Variants in HOATZ observed in about 807,000 individuals in gnomAD.
HOATZ encodes the protein HOATZ cilia and flagella associated protein.
In HOATZ, 26 loss-of-function variants were observed where a neutral mutation model predicts 24.9. That is an observed-to-expected ratio of 1.04 (90% CI 0.76 to 1.45). The LOEUF (loss-of-function observed/expected upper bound fraction) is 1.45. Among genes scored for constraint, HOATZ ranks in the 40% most tolerant of loss-of-function variants. The probability of loss-of-function intolerance (pLI) is 0.00; values close to 1 mark genes in which losing one functional copy is unlikely to be tolerated. For missense variants in HOATZ, 226 were observed against 201.5 expected, an observed-to-expected ratio of 1.12 and a Z score of -0.74; for synonymous variants, 83 against 76.6, an observed-to-expected ratio of 1.08 and a Z score of -0.43.
intron 3 of HOATZ, among the ~76,000 whole-genome samples, chr11:111,528,049 G>A (rs1354987657): frequency 6.6e-6 from 1 of 152,096 alleles, no homozygotes; most frequent in Non-Finnish European, 1.5e-5. Flanking sequence ...TAGGTATGGT[G>A]GCTCATGCCT....
At chr11:111,517,469 G>T (rs1867218744) in intron 3 of HOATZ, among the ~76,000 whole-genome samples, 2 of 152,122 alleles carry the variant, frequency 1.3e-5, no homozygotes. Flanking sequence ...AGACTGTTAG[G>T]CTAATAATCT....
chr11:111,534,333 T>G, intron 4 of HOATZ, 79 bp from the exon 5 acceptor site: 1 of 1,053,684 alleles, frequency 9.5e-7, no homozygotes, highest in Non-Finnish European at 1.4e-6. Context: ...TTACCTCAGC[T>G]TTTTTTCAAA....
At chr11:111,534,538 C>T (rs2135782977) in intron 5 of HOATZ, 74 bp downstream of exon 5, 2 of 1,181,494 alleles carry the variant, frequency 1.7e-6, no homozygotes, top group East Asian at 2.3e-5. Context: ...TTTTTTCTTA[C>T]TTTGCCACTT....
At chr11:111,519,366 T>A (rs747406543) in intron 3 of HOATZ, among the ~76,000 whole-genome samples, 63 of 152,172 alleles carry the variant, frequency 4.1e-4, no homozygotes, top group Non-Finnish European at 6.3e-4. Context: ...GCCCTATATA[T>A]TGATATTTCA....
At chr11:111,532,971 G>T (rs1314092796) in intron 3 of HOATZ, among the ~76,000 whole-genome samples, 3 of 151,980 alleles carry the variant, frequency 2.0e-5, no homozygotes, top group African/African-American at 7.2e-5. Flanking sequence ...TGAATTCTGT[G>T]AAAAAAATGG....
intron 3 of HOATZ, among the ~76,000 whole-genome samples, chr11:111,528,743 T>C (rs1490406731): frequency 1.3e-5 from 2 of 152,242 alleles, no homozygotes; most frequent in Admixed American, 1.3e-4. Flanking sequence ...ATTTTTCTTC[T>C]TCAGCATGGT....
intron 5 of HOATZ, chr11:111,536,401 A>G (rs1341968826): frequency 5.7e-6 from 1 of 176,138 alleles, no homozygotes; most frequent in African/African-American, 2.4e-5. Flanking sequence ...ATGTGTTCAT[A>G]GTAAGGTTTT....
Position 111,514,883 on chromosome 11 carries a change from TG to T in HOATZ, c.100del (p.Ala34ProfsTer66). ...TATTTGCTGGCTCCTCGGAACAAGA[TG>T]CCAACTTGGCTAAGCAGTTCTGGAT... ...LVFAGSSEQD[A>X]NLAKQFWISA... On this transcript the variant is annotated frameshift_variant, in exon 1 of 6. Coordinates refer to ENST00000375618, the MANE Select transcript of HOATZ (RefSeq NM_001100388.2). LOFTEE classifies it high-confidence loss of function. 6.2e-7 allele frequency: 1 copy of T among 1,614,098 alleles called. No individual in the cohort carries two copies. The highest frequency in any genetic ancestry group is 8.5e-7 in the Non-Finnish European group (1 of 1,179,990).
intron 3 of HOATZ, among the ~76,000 whole-genome samples, chr11:111,519,542 T>C (rs531925846): frequency 6.6e-6 from 1 of 152,294 alleles, no homozygotes; most frequent in Admixed American, 6.5e-5. Flanking sequence ...CTCCCTGTAA[T>C]TATTGAAACA....
intron 3 of HOATZ, among the ~76,000 whole-genome samples, chr11:111,519,825 T>C (rs1867250061): frequency 6.6e-6 from 1 of 152,238 alleles, no homozygotes; most frequent in African/African-American, 2.4e-5. Flanking sequence ...TTCTTCCACT[T>C]TCTCCTTAAA....
In HOATZ at chr11:111,533,542, A is replaced by G. The variant is rs552954677; in HGVS notation, c.340-204A>G. ...TACAATAAAATTTTACAGCATTTTA[A>G]TATTTTACAAAAGCATTTTGTAAAG... On this transcript the variant is annotated intron_variant, in intron 3 of 5. Transcript: ENST00000375618. 4.6e-5 allele frequency among the ~76,000 whole-genome samples: 7 copies of G among 152,166 alleles called. No homozygotes were observed. In the South Asian group the frequency reaches 1.0e-3, roughly 22 times the overall value.
intron 3 of HOATZ, chr11:111,519,150 A>G (rs768284944): frequency 4.1e-5 from 16 of 388,456 alleles, no homozygotes; most frequent in Non-Finnish European, 8.1e-5. Flanking sequence ...AAAAAGAGAA[A>G]TGATTTTTTT....
intron 3 of HOATZ, among the ~76,000 whole-genome samples, chr11:111,528,940 G>A (rs1473641458): frequency 1.3e-5 from 2 of 152,190 alleles, no homozygotes; most frequent in Non-Finnish European, 2.9e-5. Context: ...GGCTCTGCCA[G>A]TTACTAGTTA....
chr11:111,535,978 T>C (rs1867446610), intron 5 of HOATZ: 2 of 152,226 alleles, frequency 1.3e-5, no homozygotes, highest in African/African-American at 2.4e-5. Flanking sequence ...TGTACATTCT[T>C]TGGGCAACTA....
intron 5 of HOATZ, 118 bp from the exon 6 acceptor site, chr11:111,536,652 T>C (rs1389770964): frequency 6.2e-5 from 49 of 788,004 alleles, no homozygotes; most frequent in Non-Finnish European, 9.8e-5. Context: ...ACCCAACACA[T>C]AGAATCTACA....
intron 4 of HOATZ, 21 bp from the exon 5 acceptor site, chr11:111,534,391 T>G: frequency 6.3e-7 from 1 of 1,592,256 alleles, no homozygotes; most frequent in South Asian, 1.1e-5. Flanking sequence ...CCTTTTTGAT[T>G]TTTATTTTGT....
chr11:111,529,201 A>G (rs939335588), intron 3 of HOATZ, among the ~76,000 whole-genome samples: 8 of 152,160 alleles, frequency 5.3e-5, no homozygotes, highest in Admixed American at 2.0e-4. Context: ...GGTTCAAAAT[A>G]AGCATTAGCA....
chr11:111,519,074 C>T (rs1013436109), intron 3 of HOATZ: 22 of 455,504 alleles, frequency 4.8e-5, no homozygotes, highest in Non-Finnish European at 8.8e-5. Flanking sequence ...CTAACTCTGC[C>T]ACTTACTATT....
intron 3 of HOATZ, among the ~76,000 whole-genome samples, chr11:111,525,367 T>C (rs1036781817): frequency 6.6e-6 from 1 of 152,224 alleles, no homozygotes; most frequent in Non-Finnish European, 1.5e-5. Flanking sequence ...ATACTATCTT[T>C]GCATTCTCTG....
Sources: gnomAD v4.1 joint callset for allele counts (sites outside exome capture counted in the v4.1 genomes callset) on GRCh38, gnomAD v4.1.1 for gene constraint, MANE v1.5 for transcripts, NCBI Gene and HGNC (gene_info 2026-07-23, HGNC 2026-07-21) for gene names.